Variants in CDH9 observed in about 807,000 individuals in gnomAD.
CDH9 encodes cadherin-9.
Under a neutral mutation model 70.9 loss-of-function variants are expected in CDH9, and 28 were observed. That is an observed-to-expected ratio of 0.40 (90% CI 0.29 to 0.54). The LOEUF is 0.54. CDH9 is among the 20% of genes least tolerant of loss of function. The pLI, the probability that CDH9 is intolerant of heterozygous loss-of-function variation, is 0.59. For missense variants in CDH9, 874 were observed against 984.4 expected, an observed-to-expected ratio of 0.89 and a Z score of 1.50; for synonymous variants, 409 against 343.1, an observed-to-expected ratio of 1.19 and a Z score of -2.12.
At chr5:26,931,861 A>G (rs769181579) in intron 2 of CDH9, among the ~76,000 whole-genome samples, 14 of 152,096 alleles carry the variant, frequency 9.2e-5, no homozygotes, top group Non-Finnish European at 1.9e-4. Context: ...GAAAATTTGC[A>G]ATCAGAAAAT....
At chr5:27,024,660 TAAC>T (rs1561044713) in intron 1 of CDH9, among the ~76,000 whole-genome samples, 1 of 152,112 alleles carries the variant, frequency 6.6e-6, no homozygotes, top group Non-Finnish European at 1.5e-5. Context: ...CCACAGTCAT[TAAC>T]AACAATTCCA....
At chr5:26,937,903 A>G (rs538730940) in intron 2 of CDH9, among the ~76,000 whole-genome samples, 105 of 152,208 alleles carry the variant, frequency 6.9e-4, no homozygotes, top group Non-Finnish European at 1.4e-3. Context: ...TGGTGGATGC[A>G]AGACATTATC....
chr5:27,038,542 C>T lies in CDH9; in HGVS notation c.-129G>A, dbSNP rs1743432802. ...TTGCTTCTGTCTCGGTCCTTCTCTT[C>T]CCTTTTTATAGTATCTTCACAGCTG... On this transcript the variant is annotated 5_prime_UTR_variant, in exon 1 of 12. Coordinates refer to ENST00000231021, the MANE Select transcript of CDH9 (RefSeq NM_016279.4). The T allele has an allele frequency of 6.6e-6, 1 of 152,154 alleles. No individual in the cohort carries two copies. The highest frequency in any genetic ancestry group is 3.4e-3 in the Middle Eastern group (1 of 294). 9.4% of individuals were successfully genotyped at this position (152,154 alleles called of 1,614,324 possible).
chr5:26,894,838 G>C (rs1358138868), intron 7 of CDH9, among the ~76,000 whole-genome samples: 4 of 151,974 alleles, frequency 2.6e-5, no homozygotes, highest in Non-Finnish European at 5.9e-5. Flanking sequence ...ATTGTCATAA[G>C]TTTTGTATAA....
chr5:26,897,220 C>T (rs1740768359), intron 7 of CDH9, among the ~76,000 whole-genome samples: 1 of 152,030 alleles, frequency 6.6e-6, no homozygotes, highest in Admixed American at 6.5e-5. Context: ...GACGGATTCA[C>T]AGCCAAATTT....
Position 26,919,713 on chromosome 5 carries a change from G to C in CDH9, c.229-3789C>G, listed in dbSNP as rs998874607. On this transcript the variant is annotated intron_variant, in intron 2 of 11. Transcript: ENST00000231021. ...GGGAGGGGAAAGAGGATTTTGTCTT[G>C]CAACTTGGATACCAGCTCAGTCACA... Among the ~76,000 whole-genome samples, 10 of 152,050 alleles carry C rather than the reference G, an allele frequency of 6.6e-5. No individual in the cohort carries two copies. In the East Asian group the frequency reaches 1.8e-3, roughly 27 times the overall value.
intron 2 of CDH9, among the ~76,000 whole-genome samples, chr5:26,925,557 G>C (rs983071192): frequency 6.6e-6 from 1 of 152,062 alleles, no homozygotes; most frequent in Non-Finnish European, 1.5e-5. Context: ...AGTTTAATTA[G>C]ATCCCATTTG....
At chr5:26,951,211 T>G (rs889370275) in intron 2 of CDH9, among the ~76,000 whole-genome samples, 3 of 135,360 alleles carry the variant, frequency 2.2e-5, no homozygotes, top group African/African-American at 8.3e-5. Flanking sequence ...GAGAATCACT[T>G]GAACCCGGGA....
At chr5:26,914,342 T>TA (rs937776097) in intron 3 of CDH9, among the ~76,000 whole-genome samples, 4 of 151,458 alleles carry the variant, frequency 2.6e-5, no homozygotes, top group Non-Finnish European at 3.0e-5. Flanking sequence ...ATAAACCCAT[T>TA]AAAAAAAACA....
At chr5:27,010,523 G>A (rs1742938211) in intron 1 of CDH9, among the ~76,000 whole-genome samples, 1 of 152,038 alleles carries the variant, frequency 6.6e-6, no homozygotes, top group Non-Finnish European at 1.5e-5. Context: ...ACAGTACTTT[G>A]AAAATACAGC....
At chr5:26,918,664 C>G (rs971933583) in intron 2 of CDH9, among the ~76,000 whole-genome samples, 1 of 152,196 alleles carries the variant, frequency 6.6e-6, no homozygotes, top group African/African-American at 2.4e-5. Context: ...CCTTAAAGTC[C>G]TGAGTACAAA....
chr5:26,969,315 C>G (rs1579484382), intron 2 of CDH9, among the ~76,000 whole-genome samples: 1 of 152,210 alleles, frequency 6.6e-6, no homozygotes, highest in Non-Finnish European at 1.5e-5. Context: ...TTTGGATACT[C>G]TAGCTAAAAT....
intron 3 of CDH9, among the ~76,000 whole-genome samples, chr5:26,908,425 G>C (rs1425349701): frequency 6.6e-6 from 1 of 151,978 alleles, no homozygotes; most frequent in Non-Finnish European, 1.5e-5. Context: ...ACAATTGGAG[G>C]TTATTGAAAT....
intron 1 of CDH9, among the ~76,000 whole-genome samples, chr5:27,001,541 T>G (rs1742768198): frequency 6.6e-6 from 1 of 152,124 alleles, no homozygotes. Flanking sequence ...GTAAAATCAT[T>G]TATTTTAATA....
At chr5:27,001,914 G>A (rs1448865702) in intron 1 of CDH9, among the ~76,000 whole-genome samples, 1 of 151,008 alleles carries the variant, frequency 6.6e-6, no homozygotes. Context: ...GTTTTCTAAA[G>A]GGAAAGGTTG....
chr5:27,026,199 T>C (rs570835171), intron 1 of CDH9, among the ~76,000 whole-genome samples: 2 of 152,112 alleles, frequency 1.3e-5, no homozygotes, highest in Admixed American at 6.6e-5. Context: ...AATAAAACAC[T>C]GAAACAAGAA....
chr5:26,942,591 G>A (rs1741682942), intron 2 of CDH9, among the ~76,000 whole-genome samples: 1 of 152,220 alleles, frequency 6.6e-6, no homozygotes, highest in East Asian at 1.9e-4. Context: ...CAGGATGCAC[G>A]GAAGTTTGGT....
intron 7 of CDH9, among the ~76,000 whole-genome samples, chr5:26,896,119 G>A (rs1309526775): frequency 2.6e-5 from 4 of 151,890 alleles, no homozygotes; most frequent in African/African-American, 9.7e-5. Context: ...GATGCTACAG[G>A]TGAAATTATA....
At chr5:26,966,782 C>G (rs573433708) in intron 2 of CDH9, among the ~76,000 whole-genome samples, 100 of 152,302 alleles carry the variant, frequency 6.6e-4, no homozygotes, top group African/African-American at 2.3e-3. Flanking sequence ...ATCTTCACTT[C>G]TTATGCTCTT....
Sources: gnomAD v4.1 joint callset for allele counts (sites outside exome capture counted in the v4.1 genomes callset) on GRCh38, gnomAD v4.1.1 for gene constraint, MANE v1.5 for transcripts, NCBI Gene and HGNC (gene_info 2026-07-23, HGNC 2026-07-21) for gene names.